MACROD2: variants seen among roughly 807,000 people sequenced by gnomAD.
MACROD2 encodes the protein ADP-ribose glycohydrolase MACROD2.
In MACROD2, 36 loss-of-function variants were observed where a neutral mutation model predicts 70.4. The observed-to-expected ratio is 0.51, with a 90% CI of 0.39 to 0.68. The LOEUF (loss-of-function observed/expected upper bound fraction) is 0.68, where lower values mean the gene tolerates loss of function less well. Among genes scored for constraint, MACROD2 ranks in the 30% least tolerant of loss-of-function variants. MACROD2 has a pLI of 0.00. For synonymous variants in MACROD2, 172 were observed against 178.8 expected, an observed-to-expected ratio of 0.96 and a Z score of 0.30; for missense variants, 496 against 538.4, an observed-to-expected ratio of 0.92 and a Z score of 0.78.
In MACROD2 at chr20:15,067,803, A is replaced by G. The variant is rs1176139784; in HGVS notation, c.419-162137A>G. Among the ~76,000 whole-genome samples the G allele has an allele frequency of 1.3e-5, 2 of 151,208 alleles. 1 individual carries two copies. Among genetic ancestry groups the G allele is most frequent in the East Asian group, 3.8e-4 (2 of 5,198 alleles). On this transcript the variant is annotated intron_variant, in intron 5 of 17. Transcript: ENST00000684519. ...GTGGGGAATGGTTATGTGTGAGAAA[A>G]TAATGTTTGTTAACTACTCTCTACA...
In MACROD2 at chr20:14,113,558, T is replaced by C. The variant is rs565023650; in HGVS notation, c.271+27830T>C. ...GAGTTGCCATGAACTTGGAGCTTAATGAACAGGTGGAGAAAGAGGATGAAT... is the reference window on the plus strand; with the variant it reads ...GAGTTGCCATGAACTTGGAGCTTAACGAACAGGTGGAGAAAGAGGATGAAT... On this transcript the variant is annotated intron_variant, in intron 3 of 17. Transcript: ENST00000684519. Among the ~76,000 whole-genome samples, 21 of 152,198 alleles carry C rather than the reference T, an allele frequency of 1.4e-4. No homozygotes were observed. The East Asian group carries it at 3.7e-3, about 27-fold the overall frequency.
intron 6 of MACROD2, among the ~76,000 whole-genome samples, chr20:15,420,401 C>T (rs752443940): frequency 3.3e-5 from 5 of 152,114 alleles, no homozygotes; most frequent in Non-Finnish European, 5.9e-5. Context: ...ATTATAGTGC[C>T]TCAGTGAGTT....
intron 3 of MACROD2, among the ~76,000 whole-genome samples, chr20:14,428,660 G>GA: frequency 6.6e-6 from 1 of 152,088 alleles, no homozygotes; most frequent in Non-Finnish European, 1.5e-5. Context: ...TGTTATCTTT[G>GA]AAATTAAGTG....
intron 5 of MACROD2, among the ~76,000 whole-genome samples, chr20:14,853,844 G>A (rs915003892): frequency 3.9e-5 from 6 of 151,968 alleles, no homozygotes; most frequent in East Asian, 1.9e-4. Context: ...TTTGGTGCTG[G>A]AAGTGGGAAA....
intron 5 of MACROD2, among the ~76,000 whole-genome samples, chr20:15,157,362 T>TCCCCC (rs1173688272): frequency 9.5e-5 from 2 of 21,020 alleles, no homozygotes; most frequent in Non-Finnish European, 9.6e-5. Context: ...CCCCCCCACC[T>TCCCCC]CCCCCCCCCC....
chr20:14,350,837 C>G (rs1354563997), intron 3 of MACROD2, among the ~76,000 whole-genome samples: 1 of 152,168 alleles, frequency 6.6e-6, no homozygotes, highest in African/African-American at 2.4e-5. Context: ...TTGCCCAGAC[C>G]TATGTCCTGA....
intron 6 of MACROD2, among the ~76,000 whole-genome samples, chr20:15,304,002 A>T (rs1162865665): frequency 6.6e-6 from 1 of 152,180 alleles, no homozygotes; most frequent in African/African-American, 2.4e-5. Flanking sequence ...AATATTTATT[A>T]TTATAGTAGG....
At chr20:14,844,741 T>C (rs1324593037) in intron 5 of MACROD2, among the ~76,000 whole-genome samples, 3 of 151,984 alleles carry the variant, frequency 2.0e-5, no homozygotes, top group Admixed American at 1.3e-4. Flanking sequence ...TATAAATCAA[T>C]CCAAGACAAC....
At chr20:14,828,994 C>T (rs569156757) in intron 5 of MACROD2, among the ~76,000 whole-genome samples, 3 of 148,308 alleles carry the variant, frequency 2.0e-5, no homozygotes, top group Non-Finnish European at 1.5e-5. Flanking sequence ...CAAAGGTAAA[C>T]GTGTGCCATG....
At chr20:14,288,353 G>T (rs1340416325) in intron 3 of MACROD2, among the ~76,000 whole-genome samples, 2 of 152,152 alleles carry the variant, frequency 1.3e-5, no homozygotes, top group African/African-American at 2.4e-5. Flanking sequence ...AGGATTTTGT[G>T]AAGTTACTCT....
intron 8 of MACROD2, among the ~76,000 whole-genome samples, chr20:15,767,897 G>A (rs185858575): frequency 5.9e-5 from 9 of 152,148 alleles, no homozygotes; most frequent in African/African-American, 1.9e-4. Flanking sequence ...CAACCCCTGT[G>A]TTGGCTTATT....
At chr20:14,891,571 G>A (rs771204129) in intron 5 of MACROD2, among the ~76,000 whole-genome samples, 1 of 152,098 alleles carries the variant, frequency 6.6e-6, no homozygotes, top group Non-Finnish European at 1.5e-5. Flanking sequence ...CAATAAATAT[G>A]TGTTGGTTTC....
At chr20:14,770,170 T>C (rs1445747081) in intron 5 of MACROD2, among the ~76,000 whole-genome samples, 2 of 151,978 alleles carry the variant, frequency 1.3e-5, no homozygotes, top group Non-Finnish European at 2.9e-5. Context: ...TATCTCTGGG[T>C]AGTGGAAATC....
intron 5 of MACROD2, among the ~76,000 whole-genome samples, chr20:15,113,471 T>A (rs1372642265): frequency 1.3e-5 from 2 of 152,194 alleles, no homozygotes; most frequent in Non-Finnish European, 2.9e-5. Context: ...TGAAATATGA[T>A]GAAATGTCAG....
chr20:15,659,624 C>T (rs185274334), intron 8 of MACROD2, among the ~76,000 whole-genome samples: 151 of 152,020 alleles, frequency 9.9e-4, no homozygotes, highest in Middle Eastern at 3.4e-3. Context: ...GGGGGTAAGA[C>T]ACTACTCAAA....
intron 5 of MACROD2, among the ~76,000 whole-genome samples, chr20:14,872,631 A>G (rs2073501831): frequency 6.6e-6 from 1 of 152,142 alleles, no homozygotes; most frequent in Admixed American, 6.6e-5. Context: ...GATAATTTTG[A>G]GGATTTTAGA....
At chr20:15,408,217 T>C (rs1284384940) in intron 6 of MACROD2, among the ~76,000 whole-genome samples, 1 of 152,222 alleles carries the variant, frequency 6.6e-6, no homozygotes. Flanking sequence ...GAATGTCCTC[T>C]TGAAGAATCT....
chr20:15,668,925 T>A (rs987598201), intron 8 of MACROD2, among the ~76,000 whole-genome samples: 18 of 152,340 alleles, frequency 1.2e-4, no homozygotes, highest in African/African-American at 4.3e-4. Context: ...TTTTTTAATA[T>A]GCTTACAGAA....
At chr20:15,025,664 A>G (rs534382219) in intron 5 of MACROD2, among the ~76,000 whole-genome samples, 38 of 152,246 alleles carry the variant, frequency 2.5e-4, no homozygotes, top group East Asian at 1.9e-4. Flanking sequence ...CAGTTTCTGC[A>G]CTGTGGACAT....
Sources: allele counts gnomAD v4.1 joint callset (sites outside exome capture counted in the v4.1 genomes callset), GRCh38; gene constraint gnomAD v4.1.1; transcripts MANE v1.5; gene names NCBI Gene and HGNC (gene_info 2026-07-23, HGNC 2026-07-21).